RFX7: variants seen among roughly 807,000 people sequenced by gnomAD.
RFX7 encodes the protein regulatory factor X7.
In RFX7, 26 loss-of-function variants were observed where a neutral mutation model predicts 111.8. The observed-to-expected ratio is 0.23, with a 90% CI of 0.17 to 0.32. The LOEUF (loss-of-function observed/expected upper bound fraction) is 0.32, where lower values mean the gene tolerates loss of function less well. Ranked by LOEUF, RFX7 falls within the 10% of genes least tolerant of loss-of-function variation. RFX7 has a pLI of 1.00. For synonymous variants in RFX7, 624 were observed against 624.4 expected, an observed-to-expected ratio of 1.00 and a Z score of 0.01; for missense variants, 1,573 against 1,772.9, an observed-to-expected ratio of 0.89 and a Z score of 2.02.
intron 5 of RFX7, among the ~76,000 whole-genome samples, chr15:56,135,909 A>G (rs1338357601): frequency 6.6e-6 from 1 of 152,188 alleles, no homozygotes; most frequent in African/African-American, 2.4e-5. Flanking sequence ...CAGGTTCGTC[A>G]AAGATCAGAT....
chr15:56,119,709 G>A (rs1394558994), intron 5 of RFX7, among the ~76,000 whole-genome samples: 3 of 151,424 alleles, frequency 2.0e-5, no homozygotes, highest in African/African-American at 2.4e-5. Context: ...CCTGGGAGGC[G>A]GAGGCTGCAA....
At chr15:56,100,331 G>C (rs2041736369) in intron 8 of RFX7, among the ~76,000 whole-genome samples, 1 of 152,132 alleles carries the variant, frequency 6.6e-6, no homozygotes, top group Non-Finnish European at 1.5e-5. Context: ...AACAGACTTA[G>C]GTCATACAGT....
Position 56,142,764 on chromosome 15 carries a change from C to A in RFX7, c.401+14G>T. On this transcript the variant is annotated intron_variant, in intron 5 of 9. Coordinates refer to ENST00000559447, the MANE Select transcript of RFX7 (RefSeq NM_022841.7). ...TTTAATATATCAGCATGCCATATTACACATACTACTTACTTGTACTCATCA... is the reference window on the plus strand; with the variant it reads ...TTTAATATATCAGCATGCCATATTAAACATACTACTTACTTGTACTCATCA... 6.2e-7 allele frequency: 1 copy of A among 1,610,184 alleles called. No individual in the cohort carries two copies. The highest frequency in any genetic ancestry group is 8.5e-7 in the Non-Finnish European group (1 of 1,177,732).
intron 3 of RFX7, among the ~76,000 whole-genome samples, chr15:56,154,599 T>A (rs1595972382): frequency 6.6e-6 from 1 of 152,148 alleles, no homozygotes; most frequent in African/African-American, 2.4e-5. Flanking sequence ...TGAAACTGGA[T>A]CCCTTCCTTA....
At chr15:56,175,026 ACT>A (rs1276786328) in intron 3 of RFX7, among the ~76,000 whole-genome samples, 3 of 151,868 alleles carry the variant, frequency 2.0e-5, no homozygotes, top group African/African-American at 4.8e-5. Flanking sequence ...AGAAATTAAA[ACT>A]CTTTTTATTC....
chr15:56,178,163 AACTAC>A (rs1425057128), intron 3 of RFX7, among the ~76,000 whole-genome samples: 1 of 117,294 alleles, frequency 8.5e-6, no homozygotes, highest in African/African-American at 3.2e-5. Context: ...AAAACCAAAA[AACTAC>A]ACACACACAC....
At chr15:56,244,547 G>A (rs1261783772), upstream of RFX7, among the ~76,000 whole-genome samples, 1 of 151,994 alleles carries the variant, frequency 6.6e-6, no homozygotes, top group Non-Finnish European at 1.5e-5. Context: ...CTTCCTTCGT[G>A]CCTTTGCTCA....
intron 2 of RFX7, among the ~76,000 whole-genome samples, chr15:56,211,117 A>T (rs1345006392): frequency 6.6e-6 from 1 of 152,108 alleles, no homozygotes; most frequent in Non-Finnish European, 1.5e-5. Context: ...GCTGTTAAAG[A>T]AAATGAATCA....
intron 2 of RFX7, among the ~76,000 whole-genome samples, chr15:56,196,212 A>C (rs556930874): frequency 6.6e-6 from 1 of 152,270 alleles, no homozygotes; most frequent in East Asian, 1.9e-4. Flanking sequence ...CAGTTTGAAC[A>C]AACTTCAACT....
chr15:56,113,418 A>C (rs2041964613), intron 5 of RFX7, among the ~76,000 whole-genome samples: 1 of 152,224 alleles, frequency 6.6e-6, no homozygotes, highest in South Asian at 2.1e-4. Context: ...CAAACACTGC[A>C]TGTTCTTACT....
Position 56,101,506 on chromosome 15 carries a change from C to A in RFX7, c.664G>T (p.Ala222Ser). The A allele has an allele frequency of 2.5e-6, 4 of 1,613,696 alleles. No homozygotes were observed. Among genetic ancestry groups the A allele is most frequent in the Non-Finnish European group, 3.4e-6 (4 of 1,179,792 alleles). ...QNIDEEVISS[A>S]CRLVCEWAQK... ...GCCCACTCACACACAAGACGGCAAG[C>A]AGAAGAGATAACTTCTTCATCAATA... is the stretch of plus-strand genomic sequence containing the variant. The change falls in exon 8 of 10, where the codon GCT becomes TCT. Residue 222 changes from alanine (A) to serine (S), a missense_variant. Around this residue, in one of 7 missense-constraint regions of RFX7, gnomAD observed 288 missense variants for 337.9 expected, o/e 0.85. Coordinates refer to ENST00000559447, the MANE Select transcript of RFX7 (RefSeq NM_022841.7).
chr15:56,160,503 C>T, intron 3 of RFX7, among the ~76,000 whole-genome samples: 1 of 151,822 alleles, frequency 6.6e-6, no homozygotes, highest in Non-Finnish European at 1.5e-5. Context: ...AATTTGTCTG[C>T]CCTTGATTTA....
chr15:56,191,521 T>C (rs759432994), intron 2 of RFX7, among the ~76,000 whole-genome samples: 6 of 152,222 alleles, frequency 3.9e-5, no homozygotes. Flanking sequence ...TAAAAGCAGA[T>C]AACATTTGAC....
intron 2 of RFX7, among the ~76,000 whole-genome samples, chr15:56,221,556 AAAGT>A (rs1169460187): frequency 6.6e-6 from 1 of 152,190 alleles, no homozygotes; most frequent in Non-Finnish European, 1.5e-5. Context: ...TAACCCATTT[AAAGT>A]AATTATTAAT....
intron 5 of RFX7, among the ~76,000 whole-genome samples, chr15:56,104,040 T>C (rs1192135298): frequency 6.6e-6 from 1 of 152,190 alleles, no homozygotes; most frequent in Non-Finnish European, 1.5e-5. Context: ...TAATTTCCAA[T>C]ATACATATCA....
chr15:56,143,037 G>C, intron 4 of RFX7, 137 bp from the exon 5 acceptor site: 1 of 887,788 alleles, frequency 1.1e-6, no homozygotes, highest in East Asian at 2.7e-5. Flanking sequence ...ACATCTAGTA[G>C]ATAATTGTCC....
At chr15:56,111,620 C>T (rs1300716466) in intron 5 of RFX7, among the ~76,000 whole-genome samples, 2 of 128,038 alleles carry the variant, frequency 1.6e-5, no homozygotes, top group East Asian at 2.3e-4. Flanking sequence ...TCCCCCTCTG[C>T]GAGAAACACC....
At chr15:56,097,746 C>CAAAAAAAAAAAAAAAAAAAAAAA (rs67718449) in intron 9 of RFX7, among the ~76,000 whole-genome samples, 2 of 47,338 alleles carry the variant, frequency 4.2e-5, no homozygotes, top group Admixed American at 3.7e-4. Flanking sequence ...GACTCTGTCT[C>CAAAAAAAAAAAAAAAAAAAAAAA]AAAAAAAAAA....
chr15:56,194,298 G>A (rs2043127422), intron 2 of RFX7, among the ~76,000 whole-genome samples: 1 of 151,948 alleles, frequency 6.6e-6, no homozygotes, highest in African/African-American at 2.4e-5. Flanking sequence ...CAAATTTCTT[G>A]TGTTATAGAA....
Sources: gnomAD v4.1 joint callset for allele counts (sites outside exome capture counted in the v4.1 genomes callset) on GRCh38, gnomAD v4.1.1 for gene constraint, gnomAD v4.1.1 regional missense constraint, MANE v1.5 for transcripts, NCBI Gene and HGNC (gene_info 2026-07-23, HGNC 2026-07-21) for gene names.